Variants in MTO1 observed in about 807,000 individuals in gnomAD.
MTO1 encodes 5-taurinomethyluridine-[tRNA] synthase subunit MTO1, mitochondrial.
A neutral mutation model predicts 71.6 loss-of-function variants in MTO1; 46 were observed. That is an observed-to-expected ratio of 0.64 (90% CI 0.51 to 0.82). The LOEUF (loss-of-function observed/expected upper bound fraction) is 0.82. MTO1 is among the 40% of genes least tolerant of loss of function. The probability of loss-of-function intolerance (pLI) is 0.00; values close to 1 mark genes in which losing one functional copy is unlikely to be tolerated. For synonymous variants in MTO1, 297 were observed against 312.1 expected (o/e 0.95, Z 0.51); for missense variants, 773 against 867.5 (o/e 0.89, Z 1.37).
At chr6:73,484,914 G>A (rs1771608207) in intron 9 of MTO1, among the ~76,000 whole-genome samples, 1 of 151,934 alleles carries the variant, frequency 6.6e-6, no homozygotes, top group Non-Finnish European at 1.5e-5. Context: ...AGGCATGGTG[G>A]AGCACACCTG....
chr6:73,488,664 C>T (rs901363116), intron 9 of MTO1, among the ~76,000 whole-genome samples: 1 of 151,590 alleles, frequency 6.6e-6, no homozygotes, highest in Non-Finnish European at 1.5e-5. Context: ...AATTTCAGCA[C>T]TTGGGAGGCT....
rs10943096 is a variant in MTO1, at chr6:73,491,915, G to A, written c.1638-319G>A. The A allele has an allele frequency of 0.19, 40,312 of 217,114 alleles. 3,836 individuals are homozygous for A. The highest frequency in any genetic ancestry group is 0.23 in the East Asian group (2,090 of 9,248). The allele number at this position is 217,114 out of a possible 1,614,324, so 13.4% of individuals were successfully genotyped here. A position where few individuals can be genotyped will look rare whatever the true frequency, so the allele number is the denominator to read the frequency against. Reference sequence around the variant, plus strand: ...CAGGAGTTCGAGACCAGCCTGGCCAGCATGGTGAAACCCCGTCTCTACTAA... The same window carrying A: ...CAGGAGTTCGAGACCAGCCTGGCCAACATGGTGAAACCCCGTCTCTACTAA... On this transcript the variant is annotated intron_variant, in intron 9 of 11. Transcript: ENST00000498286.
intron 9 of MTO1, among the ~76,000 whole-genome samples, chr6:73,484,279 C>A (rs1040022158): frequency 1.3e-5 from 2 of 152,078 alleles, no homozygotes; most frequent in East Asian, 1.9e-4. Context: ...AACAAAACAC[C>A]TTAGACTGGA....
chr6:73,481,982 T>C, intron 7 of MTO1, 58 bp from the exon 8 acceptor site: 1 of 1,581,616 alleles, frequency 6.3e-7, no homozygotes, highest in Non-Finnish European at 8.7e-7. Flanking sequence ...GTGTTCTGAA[T>C]GGGATAGCCG....
intron 10 of MTO1, among the ~76,000 whole-genome samples, chr6:73,497,083 A>T (rs1413190990): frequency 6.6e-6 from 1 of 151,452 alleles, no homozygotes; most frequent in Non-Finnish European, 1.5e-5. Context: ...TATCTCTAGG[A>T]CATAAAATTC....
Position 73,497,861 on chromosome 6 carries a change from G to A in MTO1, c.1882G>A (p.Val628Ile), listed in dbSNP as rs1772033614. ...CAGGGATGTGTCTTTGTCCCATGAA[G>A]TTCGAGAGAAACTACATTTTAGTCG... is the stretch of plus-strand genomic sequence containing the variant. The part of the protein sequence containing the change: ...TIRDVSLSHE[V>I]REKLHFSRPQ... Residue 628 changes from valine (V) to isoleucine (I), a missense_variant, in exon 11 of 12, where the codon GTT (valine) becomes ATT (isoleucine). Coordinates refer to ENST00000498286, the MANE Select transcript of MTO1 (RefSeq NM_012123.4). 3 of 1,613,200 alleles carry A rather than the reference G, an allele frequency of 1.9e-6. No homozygotes were observed. Among genetic ancestry groups the A allele is most frequent in the Middle Eastern group, 3.3e-4 (2 of 6,060 alleles).
Position 73,466,399 on chromosome 6 carries a change from G to T in MTO1, c.408G>T (p.Gln136His). ...AGATTGATAGGAAACTCTATAAACAGAACATGCAGGTAAGAATAGGGCATG... is the reference window on the plus strand; with the variant it reads ...AGATTGATAGGAAACTCTATAAACATAACATGCAGGTAAGAATAGGGCATG... ...RAQIDRKLYK[Q>H]NMQKEILNTP... Residue 136 changes from glutamine (Q) to histidine (H), a missense_variant, in exon 2 of 12, where the codon CAG (glutamine) becomes CAT (histidine). Gln to His is a conservative substitution (Grantham distance 24). Transcript: ENST00000498286. The T allele has an allele frequency of 6.2e-7, 1 of 1,614,158 alleles. No homozygotes were observed. The highest frequency in any genetic ancestry group is 2.2e-5 in the East Asian group (1 of 44,888).
Position 73,482,618 on chromosome 6 carries a change from C to T in MTO1, c.1635C>T (p.Val545=). ...TAAGTACTAGTAGAAGTCTGCCTGTCAGGTATGCATTTTTAATATAGACCT... is the reference window on the plus strand; with the variant it reads ...TAAGTACTAGTAGAAGTCTGCCTGTTAGGTATGCATTTTTAATATAGACCT... ...ASISTSRSLP[V]RALDVLKYEE... is the part of the protein sequence containing the mutation. The change falls in exon 9 of 12, where the codon GTC becomes GTT. Residue 545 remains valine, a splice_region_variant and synonymous_variant. Coordinates refer to ENST00000498286, the MANE Select transcript of MTO1 (RefSeq NM_012123.4). 4 of 1,593,528 alleles carry T rather than the reference C, an allele frequency of 2.5e-6. No individual in the cohort carries two copies. Among genetic ancestry groups the T allele is most frequent in the Non-Finnish European group, 3.4e-6 (4 of 1,174,536 alleles).
intron 9 of MTO1, among the ~76,000 whole-genome samples, chr6:73,483,429 T>A: frequency 6.6e-6 from 1 of 151,702 alleles, no homozygotes; most frequent in South Asian, 2.1e-4. Context: ...AAATCACATA[T>A]ATATATATAT....
At chr6:73,475,352 A>G (rs1286283045) in intron 4 of MTO1, among the ~76,000 whole-genome samples, 1 of 151,278 alleles carries the variant, frequency 6.6e-6, no homozygotes, top group Non-Finnish European at 1.5e-5. Context: ...GCACGATCTC[A>G]GCTCACTGCA....
chr6:73,492,622 C>A, intron 10 of MTO1: 2 of 281,992 alleles, frequency 7.1e-6, no homozygotes, highest in Non-Finnish European at 1.4e-5. Context: ...CCAGCCTGGC[C>A]AATATGGCAA....
chr6:73,490,781 A>G (rs565816270), intron 9 of MTO1, among the ~76,000 whole-genome samples: 1 of 152,096 alleles, frequency 6.6e-6, no homozygotes, highest in South Asian at 2.1e-4. Context: ...ATAAAGGTAT[A>G]TGTAAATGAA....
chr6:73,462,167 A>G (rs1770842720), intron 1 of MTO1, 96 bp downstream of exon 1: 1 of 1,319,964 alleles, frequency 7.6e-7, no homozygotes, highest in Non-Finnish European at 1.1e-6. Flanking sequence ...TCCTTTCCTC[A>G]AAGCTAGTGA....
In MTO1 at chr6:73,462,041, C is replaced by G. The variant is rs371275324; in HGVS notation, c.187C>G (p.Leu63Val). ...CGCCGCTCGGTGCGGCTCTCGGACT[C>G]TGCTCCTCACTCACCGCGTGGACAC... ...TAAARCGSRTLLLTHRVDTIG... is the reference protein window; with the variant it reads ...TAAARCGSRTVLLTHRVDTIG... The change falls in exon 1 of 12, where the codon CTG (leucine) becomes GTG (valine). Residue 63 changes from leucine to valine, a missense_variant. Coordinates refer to ENST00000498286, the MANE Select transcript of MTO1 (RefSeq NM_012123.4). 2.7e-4 allele frequency: 437 copies of G among 1,613,922 alleles called. 2 individuals carry two copies. In the South Asian group the frequency reaches 4.6e-3, roughly 17 times the overall value.
intron 4 of MTO1, among the ~76,000 whole-genome samples, chr6:73,476,083 C>T (rs1054138959): frequency 6.6e-6 from 1 of 151,670 alleles, no homozygotes; most frequent in African/African-American, 2.4e-5. Context: ...TAACCCTCAG[C>T]TGGGCGTGGT....
At chr6:73,470,647 T>G (rs955096397) in intron 3 of MTO1, among the ~76,000 whole-genome samples, 1 of 152,140 alleles carries the variant, frequency 6.6e-6, no homozygotes, top group African/African-American at 2.4e-5. Context: ...GAAAAGATAG[T>G]CTGTCTTAGC....
At chr6:73,482,357 T>C in intron 8 of MTO1, 92 bp from the exon 9 acceptor site, 1 of 1,538,568 alleles carries the variant, frequency 6.5e-7, no homozygotes. Context: ...AGTTTAGGAC[T>C]AGCCTGGGCA....
intron 1 of MTO1, among the ~76,000 whole-genome samples, chr6:73,464,372 A>G (rs1770915652): frequency 6.6e-6 from 1 of 152,120 alleles, no homozygotes; most frequent in Non-Finnish European, 1.5e-5. Context: ...AGAGCTCATA[A>G]GTGGTAGGTC....
Position 73,508,327 on chromosome 6 carries a change from A to G in MTO1, c.*7592A>G, listed in dbSNP as rs1582708252. 6.6e-6 allele frequency: 1 copy of G among 152,294 alleles called. No homozygotes were observed. The highest frequency in any genetic ancestry group is 6.5e-5 in the Admixed American group (1 of 15,270). The allele number at this position is 152,294 out of a possible 1,614,324, so 9.4% of individuals were successfully genotyped here. Reference sequence around the variant, plus strand: ...GTAATTAAGTCATTTTTAGTCTTTAATTATGTTGGTTGCTTTTAGAATTCT... The same window carrying G: ...GTAATTAAGTCATTTTTAGTCTTTAGTTATGTTGGTTGCTTTTAGAATTCT... On this transcript the variant is annotated 3_prime_UTR_variant, in exon 12 of 12. Coordinates refer to ENST00000498286, the MANE Select transcript of MTO1 (RefSeq NM_012123.4).
Sources: gnomAD v4.1 joint callset for allele counts (sites outside exome capture counted in the v4.1 genomes callset) on GRCh38, gnomAD v4.1.1 for gene constraint, MANE v1.5 for transcripts, NCBI Gene and HGNC (gene_info 2026-07-23, HGNC 2026-07-21) for gene names.